COL2A1: variants seen among roughly 807,000 people sequenced by gnomAD.
COL2A1 encodes collagen alpha-1(II) chain.
COL2A1 carries 28 observed loss-of-function variants against 204.5 expected under a neutral mutation model. The observed-to-expected ratio is 0.14, with a 90% CI of 0.10 to 0.19. The LOEUF is 0.19. Ranked by LOEUF, COL2A1 falls within the 10% of genes least tolerant of loss-of-function variation. COL2A1 has a pLI of 1.00. For missense variants in COL2A1, 1,388 were observed against 2,027.5 expected (o/e 0.68, Z 6.06); for synonymous variants, 708 against 718.7 (o/e 0.99, Z 0.24).
rs374697271 is a variant in COL2A1, at chr12:47,989,223, C to T, written c.1122+5G>A. 8.7e-6 allele frequency: 14 copies of T among 1,611,184 alleles called. No homozygotes were observed. Among genetic ancestry groups the T allele is most frequent in the East Asian group, 4.5e-5 (2 of 44,792 alleles). On this transcript the variant is annotated splice_donor_5th_base_variant and intron_variant, in intron 18 of 53. Coordinates refer to ENST00000380518, the MANE Select transcript of COL2A1 (RefSeq NM_001844.5). ...AAGTTCCTGACTGGACAACAGGGCACGTACCTTGGCTCCAGGAGCACCAGG... is the reference window on the plus strand; with the variant it reads ...AAGTTCCTGACTGGACAACAGGGCATGTACCTTGGCTCCAGGAGCACCAGG...
Position 47,975,411 on chromosome 12 carries a change from G to A in COL2A1, c.3792C>T (p.Asn1264=), listed in dbSNP as rs1183855969. 1 of 1,614,090 alleles carries A rather than the reference G, an allele frequency of 6.2e-7. No individual in the cohort carries two copies. Among genetic ancestry groups the A allele is most frequent in the Admixed American group, 1.7e-5 (1 of 60,016 alleles). ...EVDATLKSLN[N]QIESIRSPEG... is the part of the protein sequence containing the mutation. ...CGGGGCTGCGGATGCTCTCAATCTG[G>A]TTGTTGAGGGACTTGAGTGTGGCAT... Residue 1264 remains asparagine, a synonymous_variant, in exon 51 of 54, where the codon AAC becomes AAT. Coordinates refer to ENST00000380518, the MANE Select transcript of COL2A1 (RefSeq NM_001844.5).
At position 47,982,619 on chromosome 12, in the gene COL2A1, G is replaced by T; in HGVS notation, c.2194-10C>A. The T allele has an allele frequency of 6.3e-7, 1 of 1,594,192 alleles. No individual in the cohort carries two copies. Among genetic ancestry groups the T allele is most frequent in the Non-Finnish European group, 8.6e-7 (1 of 1,163,840 alleles). On this transcript the variant is annotated splice_polypyrimidine_tract_variant and intron_variant, in intron 33 of 53. Transcript: ENST00000380518. ...CTGGGCCAGATGCACCCTGGGGAGG[G>T]AGGTAAGAGGGAGTCTGTAGTGGAC...
At position 47,981,310 on chromosome 12, in the gene COL2A1, G is replaced by T. The variant is rs758575921; in HGVS notation, c.2463+33C>A. The T allele has an allele frequency of 2.5e-6, 4 of 1,607,806 alleles. No homozygotes were observed. In the South Asian group the frequency reaches 4.5e-5, roughly 18 times the overall value. On this transcript the variant is annotated intron_variant, in intron 37 of 53. Coordinates refer to ENST00000380518, the MANE Select transcript of COL2A1 (RefSeq NM_001844.5). Reference sequence around the variant, plus strand: ...GGCTCTCTGGTTCCCAGGGGCCTCGGGCAGAGCCAGGCTCAGAGGGGCAGA... The same window carrying T: ...GGCTCTCTGGTTCCCAGGGGCCTCGTGCAGAGCCAGGCTCAGAGGGGCAGA...
At chr12:47,989,528 C>G (rs115379711) in intron 17 of COL2A1, among the ~76,000 whole-genome samples, 33 of 152,336 alleles carry the variant, frequency 2.2e-4, no homozygotes, top group African/African-American at 7.9e-4. Context: ...TTTGACCTCC[C>G]TCCTCTAAAA....
chr12:47,996,773 G>T, intron 7 of COL2A1, 148 bp from the exon 8 acceptor site: 2 of 763,008 alleles, frequency 2.6e-6, no homozygotes, highest in Non-Finnish European at 4.7e-6. Flanking sequence ...AATTACCACT[G>T]ATGCCTGGAA....
At chr12:48,001,873 C>T (rs921012439) in intron 1 of COL2A1, among the ~76,000 whole-genome samples, 12 of 152,208 alleles carry the variant, frequency 7.9e-5, no homozygotes, top group African/African-American at 2.7e-4. Flanking sequence ...ATCCGGTTCC[C>T]CTCATTACCG....
chr12:47,990,615 T>C (rs755700473), intron 16 of COL2A1, among the ~76,000 whole-genome samples: 1 of 152,170 alleles, frequency 6.6e-6, no homozygotes, highest in Non-Finnish European at 1.5e-5. Context: ...AAGATGCCCA[T>C]AGGATGTCTA....
chr12:47,991,713 C>G (rs573748116), intron 16 of COL2A1, among the ~76,000 whole-genome samples: 61 of 152,352 alleles, frequency 4.0e-4, no homozygotes, highest in African/African-American at 1.2e-3. Context: ...GGAACAAGGA[C>G]AGGAGATGGA....
In COL2A1 at chr12:47,980,820, C is replaced by T. The variant is rs1027681101; in HGVS notation, c.2517+95G>A. On this transcript the variant is annotated intron_variant, in intron 38 of 53. Transcript: ENST00000380518. This position sits in a 1 kb window ranked among gnomAD's most constrained non-coding sequence, Gnocchi z 4.5. ...GCGGGAAAGGAGAGGAGAGGAGCATCCATTTCCCTCCCTGACAAGCTCCGA... is the reference window on the plus strand; with the variant it reads ...GCGGGAAAGGAGAGGAGAGGAGCATTCATTTCCCTCCCTGACAAGCTCCGA... 2.1e-6 allele frequency: 3 copies of T among 1,454,750 alleles called. No homozygotes were observed. In the African/African-American group the frequency reaches 4.2e-5, roughly 20 times the overall value. The allele number at this position is 1,454,750 out of a possible 1,614,324, so 90.1% of individuals were successfully genotyped here.
intron 2 of COL2A1, chr12:47,998,633 G>A (rs904388176): frequency 8.2e-6 from 5 of 609,606 alleles, no homozygotes; most frequent in Non-Finnish European, 1.2e-5. Flanking sequence ...GTCCCATGAG[G>A]AATGGAGGTG....
chr12:47,983,819 G>T, intron 29 of COL2A1, 83 bp from the exon 30 acceptor site: 1 of 1,406,214 alleles, frequency 7.1e-7, no homozygotes, highest in Non-Finnish European at 9.8e-7. Context: ...GGGGAGGTCA[G>T]CAGGGTGGGC....
chr12:47,983,019 G>A (rs1460987846), intron 32 of COL2A1, 73 bp from the exon 33 acceptor site: 4 of 1,605,682 alleles, frequency 2.5e-6, no homozygotes, highest in African/African-American at 1.3e-5. Flanking sequence ...GCAGGGAGGT[G>A]GGGAAAGGAG....
In COL2A1 at chr12:47,985,969, A is replaced by C. The variant is rs1939379600; in HGVS notation, c.1528-4T>G. The C allele has an allele frequency of 6.4e-7, 1 of 1,551,580 alleles. No individual in the cohort carries two copies. The highest frequency in any genetic ancestry group is 8.7e-7 in the Non-Finnish European group (1 of 1,146,986). ...AACCGCGGTTGCCGGGAGCACCCTAAGGAGCCACAGGGAGGAGAGGCAGTG... is the reference window on the plus strand; with the variant it reads ...AACCGCGGTTGCCGGGAGCACCCTACGGAGCCACAGGGAGGAGAGGCAGTG... On this transcript the variant is annotated splice_polypyrimidine_tract_variant and splice_region_variant and intron_variant, in intron 23 of 53. Coordinates refer to ENST00000380518, the MANE Select transcript of COL2A1 (RefSeq NM_001844.5).
At chr12:47,982,409 C>CA (rs1253856038) in intron 34 of COL2A1, 93 bp downstream of exon 34, 1 of 1,090,558 alleles carries the variant, frequency 9.2e-7, no homozygotes, top group Non-Finnish European at 1.4e-6. Flanking sequence ...AAACCTTCAT[C>CA]ACCAGGTGCC....
In COL2A1 at chr12:47,982,565, T is replaced by G. The variant is rs755667854; in HGVS notation, c.2238A>C (p.Pro746=). The change falls in exon 34 of 54, where the codon CCA becomes CCC. Residue 746 remains proline (P), a synonymous_variant. Coordinates refer to ENST00000380518, the MANE Select transcript of COL2A1 (RefSeq NM_001844.5). ...TCTCGCCAGGCATTCCCTGAAGACC[T>G]GGAGGGCCCTGAGCCCCAGGGGGGC... ...PAGPPGAQGP[P]GLQGMPGERG... The G allele has an allele frequency of 1.9e-6, 3 of 1,613,644 alleles. No individual in the cohort carries two copies. The South Asian group carries it at 3.3e-5, about 18-fold the overall frequency.
rs1207346100 is a variant in COL2A1, at chr12:47,985,843, G to C, written c.1582-17C>G. 3 of 1,599,026 alleles carry C rather than the reference G, an allele frequency of 1.9e-6. No individual in the cohort carries two copies. In the African/African-American group the frequency reaches 4.0e-5, roughly 21 times the overall value. On this transcript the variant is annotated splice_polypyrimidine_tract_variant and intron_variant, in intron 24 of 53. Transcript: ENST00000380518. Reference sequence around the variant, plus strand: ...AGGGGCTCCCTACAAGGGTACACAGGGAGTCAGTGGGATACCATGTGACCT... The same window carrying C: ...AGGGGCTCCCTACAAGGGTACACAGCGAGTCAGTGGGATACCATGTGACCT...
rs1309518504 is a variant in COL2A1, at chr12:47,973,193, T to C, written c.*214A>G. 3 of 661,826 alleles carry C rather than the reference T, an allele frequency of 4.5e-6. No homozygotes were observed. Among genetic ancestry groups the C allele is most frequent in the Non-Finnish European group, 8.1e-6 (3 of 372,354 alleles). The allele number at this position is 661,826 out of a possible 1,614,324, so 41.0% of individuals were successfully genotyped here. A position where few individuals can be genotyped will look rare whatever the true frequency, so the allele number is the denominator to read the frequency against. ...ACCCGAAGGTCTTACAGGAAGACAA[T>C]AAATAAATAGAACACCGAGATTTTA... On this transcript the variant is annotated 3_prime_UTR_variant, in exon 54 of 54. Transcript: ENST00000380518.
chr12:47,978,530 G>T lies in COL2A1; in HGVS notation c.2895+67C>A, dbSNP rs1050604737. On this transcript the variant is annotated intron_variant, in intron 42 of 53. Coordinates refer to ENST00000380518, the MANE Select transcript of COL2A1 (RefSeq NM_001844.5). This position sits in a 1 kb window ranked among gnomAD's most constrained non-coding sequence, Gnocchi z 5.5. The stretch of plus-strand genomic sequence containing the variant: ...CCTGCTCCCTCCTACCCCATGCTCT[G>T]TGAGCTCAGAAGCCACTCACGACCC... 1 of 1,604,036 alleles carries T rather than the reference G, an allele frequency of 6.2e-7. No individual in the cohort carries two copies. Among genetic ancestry groups the T allele is most frequent in the African/African-American group, 1.3e-5 (1 of 74,664 alleles).
At position 47,973,006 on chromosome 12, in the gene COL2A1, G is replaced by A. The variant is rs1291426479; in HGVS notation, c.*401C>T. On this transcript the variant is annotated 3_prime_UTR_variant, in exon 54 of 54. Transcript: ENST00000380518. ...CTTTTCATTTTTAATATCAATTGAT[G>A]TTTTAAAAAATACAGAGGTGTTTGA... is the stretch of plus-strand genomic sequence containing the variant. The A allele has an allele frequency of 4.0e-6, 2 of 501,014 alleles. No homozygotes were observed. Among genetic ancestry groups the A allele is most frequent in the East Asian group, 2.9e-5 (1 of 34,422 alleles). The allele number at this position is 501,014 out of a possible 1,614,324, so 31.0% of individuals were successfully genotyped here. A position where few individuals can be genotyped will look rare whatever the true frequency, so the allele number is the denominator to read the frequency against.
Sources: gnomAD v4.1 joint callset for allele counts (sites outside exome capture counted in the v4.1 genomes callset) on GRCh38, gnomAD v4.1.1 for gene constraint, Gnocchi (gnomAD v3.1) non-coding constraint, MANE v1.5 for transcripts, NCBI Gene and HGNC (gene_info 2026-07-23, HGNC 2026-07-21) for gene names.